The following NTRK3 variants were observed in gnomAD, a reference collection of about 807,000 sequenced individuals.
The protein encoded by NTRK3 is neurotrophic receptor tyrosine kinase 3, also known as NT-3 growth factor receptor.
Under a neutral mutation model 91.7 loss-of-function variants are expected in NTRK3, and 24 were observed. The ratio of observed to expected loss-of-function variants is 0.26; its 90% CI spans 0.19 to 0.37. NTRK3 has a LOEUF of 0.37. NTRK3 is among the 10% of genes least tolerant of loss of function. NTRK3 has a pLI of 1.00. For synonymous variants in NTRK3, 483 were observed against 404.0 expected, an observed-to-expected ratio of 1.20 and a Z score of -2.34; for missense variants, 880 against 1,068.9, an observed-to-expected ratio of 0.82 and a Z score of 2.46.
At chr15:87,916,367 C>T (rs572730290) in intron 17 of NTRK3, 45 of 512,528 alleles carry the variant, frequency 8.8e-5, no homozygotes, top group African/African-American at 7.4e-4. Flanking sequence ...TGTTATGACA[C>T]ATCCGTAAGG....
chr15:88,095,191 G>A (rs998841427), intron 13 of NTRK3, among the ~76,000 whole-genome samples: 1 of 152,232 alleles, frequency 6.6e-6, no homozygotes, highest in African/African-American at 2.4e-5. Flanking sequence ...ATGGTCCCAT[G>A]TGAGAATTTA....
intron 13 of NTRK3, among the ~76,000 whole-genome samples, chr15:88,063,676 G>T (rs2046404862): frequency 6.6e-6 from 1 of 152,160 alleles, no homozygotes; most frequent in African/African-American, 2.4e-5. Context: ...CCTCTAGCAG[G>T]CACATATCTA....
intron 13 of NTRK3, among the ~76,000 whole-genome samples, chr15:88,036,843 G>A (rs1249948386): frequency 1.3e-5 from 2 of 152,166 alleles, no homozygotes; most frequent in Non-Finnish European, 2.9e-5. Context: ...GGATGTGGAT[G>A]GTTAAAGTGA....
intron 17 of NTRK3, among the ~76,000 whole-genome samples, chr15:87,891,904 T>C (rs981298334): frequency 2.0e-5 from 3 of 152,156 alleles, no homozygotes; most frequent in African/African-American, 7.2e-5. Context: ...TACAGTACAG[T>C]GTCCATGCAA....
At chr15:88,064,662 C>A (rs1365501439) in intron 13 of NTRK3, among the ~76,000 whole-genome samples, 3 of 152,224 alleles carry the variant, frequency 2.0e-5, no homozygotes, top group Non-Finnish European at 4.4e-5. Flanking sequence ...GCCCCCTCCA[C>A]TGCAGTCCAG....
At chr15:87,943,917 A>T (rs1161464873) in intron 14 of NTRK3, among the ~76,000 whole-genome samples, 1 of 151,984 alleles carries the variant, frequency 6.6e-6, no homozygotes, top group African/African-American at 2.4e-5. Flanking sequence ...GCACATGAAA[A>T]AGCCCAAGCA....
At chr15:87,998,722 C>A (rs773800944) in intron 14 of NTRK3, among the ~76,000 whole-genome samples, 1 of 152,138 alleles carries the variant, frequency 6.6e-6, no homozygotes, top group Non-Finnish European at 1.5e-5. Context: ...TTATGCCAAC[C>A]AAGAGCAACA....
chr15:88,242,588 T>C (rs1030505493), intron 3 of NTRK3, among the ~76,000 whole-genome samples: 1 of 152,210 alleles, frequency 6.6e-6, no homozygotes, highest in African/African-American at 2.4e-5. Flanking sequence ...AAGAAGGAAG[T>C]ATCACGGTCT....
At chr15:88,144,454 T>G (rs779361798) in intron 6 of NTRK3, among the ~76,000 whole-genome samples, 40 of 150,898 alleles carry the variant, frequency 2.7e-4, no homozygotes, top group Non-Finnish European at 4.4e-4. Context: ...AACTTGTTTG[T>G]TTTTTTTTCC....
At chr15:88,213,419 C>A (rs111998626) in intron 3 of NTRK3, among the ~76,000 whole-genome samples, 1 of 152,172 alleles carries the variant, frequency 6.6e-6, no homozygotes, top group Non-Finnish European at 1.5e-5. Context: ...GGGGGACAAG[C>A]TGCCCACACG....
intron 5 of NTRK3, among the ~76,000 whole-genome samples, chr15:88,181,343 TC>T (rs2046437537): frequency 2.0e-5 from 3 of 151,956 alleles, no homozygotes; most frequent in Non-Finnish European, 4.4e-5. Context: ...CCCATATCAT[TC>T]CAAAAGAGAC....
intron 3 of NTRK3, chr15:88,253,135 C>CTA (rs1218220733): frequency 6.6e-6 from 1 of 152,244 alleles, no homozygotes; most frequent in Non-Finnish European, 1.5e-5. Context: ...TGTGCCCAAG[C>CTA]TATACCCTGG....
At chr15:88,159,101 A>T (rs1362797989) in intron 5 of NTRK3, among the ~76,000 whole-genome samples, 1 of 152,194 alleles carries the variant, frequency 6.6e-6, no homozygotes, top group Non-Finnish European at 1.5e-5. Flanking sequence ...GGGAGCCTGC[A>T]GGGGCAAGAG....
At chr15:88,127,719 A>G (rs2053439582) in intron 11 of NTRK3, among the ~76,000 whole-genome samples, 1 of 152,162 alleles carries the variant, frequency 6.6e-6, no homozygotes, top group Non-Finnish European at 1.5e-5. Context: ...AGTGAGATCC[A>G]GGAGGCCTGG....
chr15:88,091,648 T>C (rs2049026354), intron 13 of NTRK3, among the ~76,000 whole-genome samples: 1 of 152,158 alleles, frequency 6.6e-6, no homozygotes, highest in African/African-American at 2.4e-5. Context: ...ATTAGTGATG[T>C]CTGTCATGGG....
At chr15:87,913,910 C>T (rs1352045451) in intron 17 of NTRK3, among the ~76,000 whole-genome samples, 1 of 152,124 alleles carries the variant, frequency 6.6e-6, no homozygotes, top group East Asian at 1.9e-4. Flanking sequence ...TCAGATGGGG[C>T]ACTGGCTGAT....
chr15:88,170,241 G>A (rs1387171764), intron 5 of NTRK3, among the ~76,000 whole-genome samples: 1 of 152,206 alleles, frequency 6.6e-6, no homozygotes, highest in Non-Finnish European at 1.5e-5. Flanking sequence ...TCAAGGGCAG[G>A]GGGAATGCTT....
intron 14 of NTRK3, among the ~76,000 whole-genome samples, chr15:87,958,281 AGG>A (rs2071882705): frequency 1.0e-5 from 1 of 100,456 alleles, no homozygotes; most frequent in Non-Finnish European, 2.1e-5. Context: ...TGATGATTTC[AGG>A]AGAAGAGTAA....
At chr15:87,916,645 G>A in intron 17 of NTRK3, 1 of 693,900 alleles carries the variant, frequency 1.4e-6, no homozygotes, top group Non-Finnish European at 2.6e-6. Flanking sequence ...ACCACCCTCA[G>A]AAATAGGTTA....
Sources: allele counts gnomAD v4.1 joint callset (sites outside exome capture counted in the v4.1 genomes callset), GRCh38; gene constraint gnomAD v4.1.1; transcripts MANE v1.5; gene names NCBI Gene and HGNC (gene_info 2026-07-23, HGNC 2026-07-21).